The following AVEN variants were observed in gnomAD, a reference collection of about 807,000 sequenced individuals.
AVEN encodes cell death regulator Aven.
A neutral mutation model predicts 38.1 loss-of-function variants in AVEN; 41 were observed. That is an observed-to-expected ratio of 1.08 (90% CI 0.84 to 1.40). AVEN has a LOEUF of 1.40. Ranked by LOEUF, AVEN falls within the 40% of genes most tolerant of loss-of-function variation. The pLI, the probability that AVEN is intolerant of heterozygous loss-of-function variation, is 0.00. For missense variants in AVEN, 605 were observed against 438.8 expected (o/e 1.38, Z -3.38); for synonymous variants, 206 against 171.8 (o/e 1.20, Z -1.56).
At chr15:33,960,970 C>A (rs1244577419) in intron 2 of AVEN, among the ~76,000 whole-genome samples, 2 of 151,970 alleles carry the variant, frequency 1.3e-5, no homozygotes, top group East Asian at 3.8e-4. Flanking sequence ...CTATTTTTAC[C>A]TTATCAAATG....
intron 5 of AVEN, among the ~76,000 whole-genome samples, chr15:34,044,828 A>G (rs188044350): frequency 0.015 from 2,262 of 152,238 alleles, 65 homozygotes; most frequent in African/African-American, 0.051. Context: ...AGGCGGGAGG[A>G]TCATGAGGTC....
intron 2 of AVEN, among the ~76,000 whole-genome samples, chr15:33,912,555 T>C (rs1892955307): frequency 6.6e-6 from 1 of 152,240 alleles, no homozygotes; most frequent in Non-Finnish European, 1.5e-5. Flanking sequence ...AGCATGGATT[T>C]CCATCAATGT....
chr15:34,003,125 A>G lies in AVEN; in HGVS notation c.352T>C (p.Trp118Arg). The G allele has an allele frequency of 6.2e-7, 1 of 1,613,788 alleles. No individual in the cohort carries two copies. Among genetic ancestry groups the G allele is most frequent in the Non-Finnish European group, 8.5e-7 (1 of 1,179,784 alleles). The part of the protein sequence containing the change: ...NYSKRKIVSN[W>R]DRYQDIEKEV... ...TTTTCAATATCTTGATATCGATCCC[A>G]GTTAGAGACAATCTTTCTTTTAGAA... The change falls in exon 2 of 6, where the codon TGG (tryptophan) becomes CGG (arginine). Residue 118 changes from tryptophan to arginine, a missense_variant. By Grantham distance (101) the Trp-to-Arg change is moderately radical (BLOSUM62 -3). Coordinates refer to ENST00000306730, the MANE Select transcript of AVEN (RefSeq NM_020371.3).
chr15:33,859,504 A>C, intron 11 of AVEN: 1 of 1,554,568 alleles, frequency 6.4e-7, no homozygotes. Context: ...GAATCATATG[A>C]ATGATCTGAG....
chr15:34,045,778 G>A (rs532814494), intron 5 of AVEN, among the ~76,000 whole-genome samples: 3 of 152,072 alleles, frequency 2.0e-5, no homozygotes, highest in South Asian at 2.1e-4. Flanking sequence ...AAGTCCACTC[G>A]ACAAGAAAAG....
chr15:33,864,974 G>C, downstream of AVEN: 1 of 573,416 alleles, frequency 1.7e-6, no homozygotes, highest in East Asian at 2.8e-5. Context: ...TTCCCAAACA[G>C]CCTGTGCTGG....
At chr15:33,919,476 G>T (rs889296919) in intron 2 of AVEN, among the ~76,000 whole-genome samples, 2 of 152,102 alleles carry the variant, frequency 1.3e-5, no homozygotes, top group African/African-American at 4.8e-5. Flanking sequence ...GAAATGCCCA[G>T]GTTCTACCCA....
chr15:33,910,310 G>C lies in AVEN; in HGVS notation c.446-34315C>G, dbSNP rs140040583. ...TGTGAGGTGGCTGTGAATTTTGCTG[G>C]ACAACTAGTAAGATGTCTGTTCAGA... On this transcript the variant is annotated intron_variant, in intron 2 of 5. Coordinates refer to ENST00000306730, the MANE Select transcript of AVEN (RefSeq NM_020371.3). Among the ~76,000 whole-genome samples, 412 of 152,162 alleles carry C rather than the reference G, an allele frequency of 2.7e-3. 5 individuals carry two copies. The highest frequency in any genetic ancestry group is 9.6e-3 in the African/African-American group (399 of 41,508).
At chr15:34,027,281 G>A (rs573574754) in intron 1 of AVEN, among the ~76,000 whole-genome samples, 29 of 152,206 alleles carry the variant, frequency 1.9e-4, no homozygotes, top group African/African-American at 7.0e-4. Flanking sequence ...TTGGGAGGCT[G>A]AGGCAGGCTG....
chr15:33,929,025 C>T (rs990408775), intron 2 of AVEN, among the ~76,000 whole-genome samples: 16 of 152,194 alleles, frequency 1.1e-4, no homozygotes, highest in Admixed American at 6.5e-4. Context: ...AAGTGACAGT[C>T]ATGTGGAACA....
At chr15:33,897,565 C>T (rs1045176005) in intron 2 of AVEN, among the ~76,000 whole-genome samples, 11 of 152,162 alleles carry the variant, frequency 7.2e-5, no homozygotes, top group African/African-American at 1.2e-4. Flanking sequence ...CCACCGCGCC[C>T]GGCCATGAAT....
intron 2 of AVEN, among the ~76,000 whole-genome samples, chr15:33,904,157 C>T (rs10220870): frequency 0.84 from 128,436 of 152,192 alleles, 57,067 homozygotes; most frequent in Non-Finnish European, 0.98. Context: ...CAGTAGCTCA[C>T]ACCTGTAATC....
chr15:33,867,959 G>C (rs757048652), intron 4 of AVEN, 104 bp from the exon 5 acceptor site: 7 of 1,425,098 alleles, frequency 4.9e-6, no homozygotes, highest in South Asian at 2.9e-5. Context: ...TTGTGACAGA[G>C]GAAACTCAAT....
At chr15:33,982,533 G>C (rs965337077) in intron 2 of AVEN, among the ~76,000 whole-genome samples, 1 of 152,214 alleles carries the variant, frequency 6.6e-6, no homozygotes, top group African/African-American at 2.4e-5. Context: ...AATTCAATTT[G>C]ATTGACTGCT....
Position 34,051,451 on chromosome 15 carries a change from C to A in AVEN, n.1637+11471G>T, listed in dbSNP as rs187976683. On this transcript the variant is annotated intron_variant and non_coding_transcript_variant, in intron 5 of 11. Transcript: ENST00000675287. Reference sequence around the variant, plus strand: ...AAAGAACTAGAGAATCAAGAGCAAACAAATTCCAAAGCTAGAAGATGACAA... The same window carrying A: ...AAAGAACTAGAGAATCAAGAGCAAAAAAATTCCAAAGCTAGAAGATGACAA... 2.0e-5 allele frequency among the ~76,000 whole-genome samples: 3 copies of A among 152,264 alleles called. No homozygotes were observed. The East Asian group carries it at 5.8e-4, about 29-fold the overall frequency.
At chr15:34,004,868 A>G (rs1222818734) in intron 1 of AVEN, among the ~76,000 whole-genome samples, 2 of 152,168 alleles carry the variant, frequency 1.3e-5, no homozygotes, top group African/African-American at 4.8e-5. Flanking sequence ...ATCTAAAGAC[A>G]TGGTTCAAAG....
chr15:34,005,780 TAC>T (rs1897313476), intron 1 of AVEN, among the ~76,000 whole-genome samples: 1 of 152,202 alleles, frequency 6.6e-6, no homozygotes, highest in African/African-American at 2.4e-5. Context: ...TCAACTTTCA[TAC>T]ACTTTCATGA....
At chr15:34,034,665 T>C (rs1430417905) in intron 1 of AVEN, among the ~76,000 whole-genome samples, 1 of 152,114 alleles carries the variant, frequency 6.6e-6, no homozygotes, top group African/African-American at 2.4e-5. Flanking sequence ...GTGTTGATAT[T>C]GAAAATATGT....
intron 2 of AVEN, among the ~76,000 whole-genome samples, chr15:33,938,515 CACAG>C (rs1180964054): frequency 2.0e-5 from 3 of 151,818 alleles, no homozygotes; most frequent in East Asian, 1.9e-4. Flanking sequence ...CAACAGACAC[CACAG>C]ACAAAGTAAA....
Sources: gnomAD v4.1 joint callset for allele counts (sites outside exome capture counted in the v4.1 genomes callset) on GRCh38, gnomAD v4.1.1 for gene constraint, MANE v1.5 for transcripts, NCBI Gene and HGNC (gene_info 2026-07-23, HGNC 2026-07-21) for gene names.